Variants in CEP162 observed in about 807,000 individuals in gnomAD.
The protein encoded by CEP162 is centrosomal protein of 162 kDa.
Under a neutral mutation model 169.2 loss-of-function variants are expected in CEP162, and 141 were observed. The ratio of observed to expected loss-of-function variants is 0.83; its 90% CI spans 0.73 to 0.96. The LOEUF is 0.96. Ranked by LOEUF, CEP162 falls within the 40% of genes least tolerant of loss-of-function variation. CEP162 has a pLI of 0.00. For synonymous variants in CEP162, 540 were observed against 526.4 expected, an observed-to-expected ratio of 1.03 and a Z score of -0.35; for missense variants, 1,600 against 1,587.2, an observed-to-expected ratio of 1.01 and a Z score of -0.14.
At chr6:84,212,634 GA>G (rs1298664096) in intron 6 of CEP162, among the ~76,000 whole-genome samples, 1 of 151,796 alleles carries the variant, frequency 6.6e-6, no homozygotes, top group Admixed American at 6.6e-5. Flanking sequence ...AAGATGAAAA[GA>G]AAACAAATGG....
chr6:84,186,639 G>A lies in CEP162; in HGVS notation c.1110-16C>T. The A allele has an allele frequency of 6.3e-7, 1 of 1,581,850 alleles. No individual in the cohort carries two copies. Among genetic ancestry groups the A allele is most frequent in the Non-Finnish European group, 8.6e-7 (1 of 1,168,052 alleles). Reference sequence around the variant, plus strand: ...TTTCTCAGAGCTATAAAACAAAACAGGACACAGATAATGAACCCTATGTAA... The same window carrying A: ...TTTCTCAGAGCTATAAAACAAAACAAGACACAGATAATGAACCCTATGTAA... On this transcript the variant is annotated splice_polypyrimidine_tract_variant and intron_variant, in intron 11 of 26. Coordinates refer to ENST00000403245, the MANE Select transcript of CEP162 (RefSeq NM_014895.4).
chr6:84,196,607 G>A (rs73750543), intron 9 of CEP162, among the ~76,000 whole-genome samples: 4,225 of 152,062 alleles, frequency 0.028, 178 homozygotes, highest in African/African-American at 0.096. Flanking sequence ...AATGAATCAC[G>A]GAAGAGAGGG....
intron 21 of CEP162, among the ~76,000 whole-genome samples, chr6:84,159,547 A>ATATT (rs2099524779): frequency 6.6e-4 from 21 of 31,948 alleles, no homozygotes; most frequent in Non-Finnish European, 9.2e-4. Context: ...ATATATATAT[A>ATATT]TTTTTTTTTT....
At chr6:84,223,495 T>C (rs1200503056) in intron 2 of CEP162, among the ~76,000 whole-genome samples, 1 of 145,528 alleles carries the variant, frequency 6.9e-6, no homozygotes, top group Non-Finnish European at 1.5e-5. Flanking sequence ...CAAGGCTCTA[T>C]CTCAAAAATA....
At chr6:84,167,793 C>T (rs78035228) in intron 18 of CEP162, among the ~76,000 whole-genome samples, 14,301 of 152,078 alleles carry the variant, frequency 0.094, 825 homozygotes, top group Middle Eastern at 0.18. Flanking sequence ...GACTTTTTAC[C>T]TCTCTCCACC....
chr6:84,186,844 T>C (rs985631769), intron 11 of CEP162, among the ~76,000 whole-genome samples: 1 of 152,156 alleles, frequency 6.6e-6, no homozygotes, highest in Non-Finnish European at 1.5e-5. Flanking sequence ...TGCAGTATAA[T>C]GCAAAGGATT....
chr6:84,155,188 G>A (rs370876652), intron 22 of CEP162, 110 bp downstream of exon 22: 1 of 844,796 alleles, frequency 1.2e-6, no homozygotes, highest in Non-Finnish European at 1.9e-6. Flanking sequence ...CAGTGGTAAA[G>A]GTTTCATGGG....
chr6:84,218,088 T>C (rs1049043077), intron 3 of CEP162, among the ~76,000 whole-genome samples: 20 of 152,168 alleles, frequency 1.3e-4, no homozygotes, highest in Admixed American at 1.2e-3. Flanking sequence ...AGGAATTATA[T>C]AAGATTAATT....
At chr6:84,194,828 A>G in intron 10 of CEP162, 56 bp downstream of exon 10, 2 of 1,255,394 alleles carry the variant, frequency 1.6e-6, no homozygotes. Flanking sequence ...ATATTACACT[A>G]AAAACTCTTT....
rs35312098 is a variant in CEP162 at position 84,134,919 on chromosome 6, TACACACAC to T, written c.3871-8415_3871-8408del. Among the ~76,000 whole-genome samples, 344 of 148,326 alleles carry T rather than the reference TACACACAC, an allele frequency of 2.3e-3. 2 individuals are homozygous for T. The highest frequency in any genetic ancestry group is 5.4e-3 in the South Asian group (25 of 4,668). On this transcript the variant is annotated intron_variant, in intron 25 of 26. Coordinates refer to ENST00000403245, the MANE Select transcript of CEP162 (RefSeq NM_014895.4). ...TATACTGTCATGAAAAGATCATATATACACACACACACACACACACACACACACACACA... is the reference window on the plus strand; with the variant it reads ...TATACTGTCATGAAAAGATCATATATACACACACACACACACACACACACA...
At chr6:84,146,372 A>G (rs1262183644) in intron 25 of CEP162, among the ~76,000 whole-genome samples, 1 of 152,114 alleles carries the variant, frequency 6.6e-6, no homozygotes, top group Non-Finnish European at 1.5e-5. Context: ...ACTTTACTTA[A>G]CACAGAAATG....
intron 25 of CEP162, 48 bp downstream of exon 25, chr6:84,146,639 A>C (rs773459283): frequency 2.5e-6 from 2 of 802,852 alleles, no homozygotes; most frequent in Non-Finnish European, 4.0e-6. Context: ...TATGATTGAA[A>C]TGCCTAAGAA....
chr6:84,200,747 A>G (rs761859815), intron 9 of CEP162, 42 bp downstream of exon 9: 17 of 940,578 alleles, frequency 1.8e-5, no homozygotes, highest in African/African-American at 3.2e-5. Context: ...GTCATAAAGC[A>G]TTCCATATTT....
chr6:84,201,785 AATG>A lies in CEP162; in HGVS notation c.688-21_688-19del, dbSNP rs758846423. 192 of 1,270,184 alleles carry A rather than the reference AATG, an allele frequency of 1.5e-4. 1 individual carries two copies. The highest frequency in any genetic ancestry group is 2.1e-4 in the Non-Finnish European group (188 of 907,298). 78.7% of individuals were successfully genotyped at this position (1,270,184 alleles called of 1,614,324 possible). A position where few individuals can be genotyped will look rare whatever the true frequency, so the allele number is the denominator to read the frequency against. ...TCTTCTTCCTAAATTAAAAAAGGAA[AATG>A]ATGATATGTTTTGAAACCAAAATTA... On this transcript the variant is annotated intron_variant, in intron 7 of 26. Coordinates refer to ENST00000403245, the MANE Select transcript of CEP162 (RefSeq NM_014895.4).
intron 16 of CEP162, among the ~76,000 whole-genome samples, chr6:84,172,365 T>C (rs539635601): frequency 6.6e-6 from 1 of 152,280 alleles, no homozygotes; most frequent in African/African-American, 2.4e-5. Context: ...ATGGTGCCAA[T>C]CTGCACTTAG....
chr6:84,169,195 G>A (rs1462178132), intron 18 of CEP162, 133 bp downstream of exon 18: 3 of 603,452 alleles, frequency 5.0e-6, no homozygotes, highest in Non-Finnish European at 8.5e-6. Context: ...TTCTCCCTAA[G>A]TTTTAAATGG....
intron 25 of CEP162, among the ~76,000 whole-genome samples, chr6:84,132,742 G>T (rs781577583): frequency 6.6e-6 from 1 of 152,002 alleles, no homozygotes; most frequent in Non-Finnish European, 1.5e-5. Flanking sequence ...CTAGCCATTC[G>T]TCTACTCTTT....
chr6:84,155,685 G>A, intron 21 of CEP162, 175 bp from the exon 22 acceptor site: 1 of 569,838 alleles, frequency 1.8e-6, no homozygotes, highest in Non-Finnish European at 3.1e-6. Context: ...CCAAGAAGGT[G>A]AAGGATGTTT....
At chr6:84,142,950 T>C (rs750915493) in intron 25 of CEP162, among the ~76,000 whole-genome samples, 1 of 152,102 alleles carries the variant, frequency 6.6e-6, no homozygotes, top group South Asian at 2.1e-4. Context: ...TGAATTTTCA[T>C]AAGCAATCCA....
Sources: allele counts gnomAD v4.1 joint callset (sites outside exome capture counted in the v4.1 genomes callset), GRCh38; gene constraint gnomAD v4.1.1; transcripts MANE v1.5; gene names NCBI Gene and HGNC (gene_info 2026-07-23, HGNC 2026-07-21).